Variants in SGCZ observed in about 807,000 individuals in gnomAD.
SGCZ encodes the protein sarcoglycan zeta.
SGCZ carries 40 observed loss-of-function variants against 41.3 expected under a neutral mutation model. The observed-to-expected ratio is 0.97, with a 90% CI of 0.75 to 1.26. The LOEUF (loss-of-function observed/expected upper bound fraction) is 1.26, where lower values mean the gene tolerates loss of function less well. Ranked by LOEUF, SGCZ falls within the 50% of genes most tolerant of loss-of-function variation. SGCZ has a pLI of 0.00. For synonymous variants in SGCZ, 206 were observed against 137.5 expected, an observed-to-expected ratio of 1.50 and a Z score of -3.49; for missense variants, 552 against 369.8, an observed-to-expected ratio of 1.49 and a Z score of -4.04.
chr8:14,405,234 T>C (rs550593451), intron 2 of SGCZ, among the ~76,000 whole-genome samples: 1 of 152,354 alleles, frequency 6.6e-6, no homozygotes, highest in Admixed American at 6.5e-5. Flanking sequence ...TAGATTCATT[T>C]TTATGACTGG....
intron 1 of SGCZ, among the ~76,000 whole-genome samples, chr8:14,610,448 C>T (rs1805891441): frequency 1.3e-5 from 2 of 152,252 alleles, no homozygotes; most frequent in South Asian, 4.1e-4. Flanking sequence ...TCAATTGCCT[C>T]CTTTAGTTTA....
chr8:14,302,620 C>T (rs944833663), intron 3 of SGCZ, among the ~76,000 whole-genome samples: 2 of 152,000 alleles, frequency 1.3e-5, no homozygotes, highest in African/African-American at 4.8e-5. Flanking sequence ...TTCATCTGCC[C>T]CTCTACCTTT....
Position 15,202,320 on chromosome 8 carries a change from T to C in SGCZ, c.39+35265A>G, listed in dbSNP as rs186957390. 2.2e-4 allele frequency among the ~76,000 whole-genome samples: 34 copies of C among 152,194 alleles called. No individual in the cohort carries two copies. The East Asian group carries it at 5.6e-3, about 25-fold the overall frequency. On this transcript the variant is annotated intron_variant, in intron 1 of 7. Transcript: ENST00000382080. ...AATGTGACAGAATACTAGTCAGCCG[T>C]AAGAAGGAACAAAATAATGGCATTT...
At chr8:15,139,770 T>C (rs1808253977) in intron 1 of SGCZ, among the ~76,000 whole-genome samples, 1 of 152,284 alleles carries the variant, frequency 6.6e-6, no homozygotes, top group South Asian at 2.1e-4. Context: ...CACCTCTCCA[T>C]TTCTCACTCT....
At chr8:14,245,504 C>G (rs1387170322) in intron 3 of SGCZ, among the ~76,000 whole-genome samples, 1 of 152,092 alleles carries the variant, frequency 6.6e-6, no homozygotes, top group African/African-American at 2.4e-5. Flanking sequence ...AGAAGAAAAC[C>G]TAGGCATTAC....
intron 2 of SGCZ, among the ~76,000 whole-genome samples, chr8:14,497,593 TGA>T (rs372870558): frequency 3.1e-4 from 46 of 150,148 alleles, no homozygotes; most frequent in African/African-American, 9.5e-4. Flanking sequence ...TGTGTGTGTG[TGA>T]GAGAGAGAGA....
chr8:14,503,729 C>T (rs1802223869), intron 2 of SGCZ, among the ~76,000 whole-genome samples: 1 of 152,122 alleles, frequency 6.6e-6, no homozygotes, highest in Non-Finnish European at 1.5e-5. Context: ...GATCACACCA[C>T]TGCACTCCAG....
chr8:14,671,597 A>G (rs1808104249), intron 1 of SGCZ, among the ~76,000 whole-genome samples: 1 of 152,154 alleles, frequency 6.6e-6, no homozygotes, highest in Non-Finnish European at 1.5e-5. Flanking sequence ...GAAAAGGGCA[A>G]GAATTAGAAA....
intron 1 of SGCZ, among the ~76,000 whole-genome samples, chr8:15,150,834 C>A (rs1799158326): frequency 6.6e-6 from 1 of 152,022 alleles, no homozygotes; most frequent in Non-Finnish European, 1.5e-5. Context: ...TTTCTGTTTT[C>A]TTTACTATTT....
At chr8:14,199,770 A>C (rs944417558) in intron 4 of SGCZ, among the ~76,000 whole-genome samples, 1 of 152,170 alleles carries the variant, frequency 6.6e-6, no homozygotes, top group African/African-American at 2.4e-5. Flanking sequence ...ATGTTAAGTG[A>C]ATGAAGAAAT....
intron 3 of SGCZ, among the ~76,000 whole-genome samples, chr8:14,301,067 A>ATC (rs1367450299): frequency 1.5e-5 from 2 of 136,568 alleles, no homozygotes; most frequent in Non-Finnish European, 1.6e-5. Flanking sequence ...GAAAATCATC[A>ATC]TCATCATCAT....
At chr8:15,233,228 C>G (rs1400800138) in intron 1 of SGCZ, among the ~76,000 whole-genome samples, 1 of 150,182 alleles carries the variant, frequency 6.7e-6, no homozygotes, top group Non-Finnish European at 1.5e-5. Context: ...TATAGAATGA[C>G]TAACATAACA....
At chr8:14,693,383 C>T (rs1355576409) in intron 1 of SGCZ, among the ~76,000 whole-genome samples, 2 of 151,428 alleles carry the variant, frequency 1.3e-5, no homozygotes. Context: ...CCTCTGTCTC[C>T]TAGGTTCAAG....
intron 1 of SGCZ, among the ~76,000 whole-genome samples, chr8:15,097,171 C>T (rs1806379373): frequency 6.6e-6 from 1 of 152,054 alleles, no homozygotes; most frequent in Non-Finnish European, 1.5e-5. Context: ...TTACGTAAAG[C>T]CCATAAGTCT....
intron 1 of SGCZ, among the ~76,000 whole-genome samples, chr8:14,659,258 G>A (rs1365264318): frequency 1.3e-5 from 2 of 152,092 alleles, no homozygotes; most frequent in African/African-American, 4.8e-5. Context: ...CACCGCCAGA[G>A]ATGATAAATG....
At chr8:14,150,233 G>A (rs1448718031) in intron 5 of SGCZ, among the ~76,000 whole-genome samples, 1 of 152,062 alleles carries the variant, frequency 6.6e-6, no homozygotes, top group African/African-American at 2.4e-5. Context: ...AGTCACCAAA[G>A]TGAAGAGAAA....
intron 1 of SGCZ, among the ~76,000 whole-genome samples, chr8:14,891,485 T>A (rs1206358118): frequency 6.6e-6 from 1 of 152,174 alleles, no homozygotes; most frequent in African/African-American, 2.4e-5. Context: ...AGTCTCAGGA[T>A]AAAACATTAG....
intron 1 of SGCZ, among the ~76,000 whole-genome samples, chr8:14,863,564 C>A (rs1031537345): frequency 6.6e-6 from 1 of 152,144 alleles, no homozygotes; most frequent in Admixed American, 6.6e-5. Context: ...AAAATGAACA[C>A]TGACAGTCCT....
rs578083236 is a variant in SGCZ at position 15,013,893 on chromosome 8, G to A, written c.39+223692C>T. 7.5e-4 allele frequency among the ~76,000 whole-genome samples: 114 copies of A among 152,192 alleles called. 1 individual carries two copies. Among genetic ancestry groups the A allele is most frequent in the African/African-American group, 2.6e-3 (106 of 41,526 alleles). Reference sequence around the variant, plus strand: ...AAAGCAGTTGGTTTCTACTGGGCTCGGGCAGCTAGATTCATGCTTTCTCAG... The same window carrying A: ...AAAGCAGTTGGTTTCTACTGGGCTCAGGCAGCTAGATTCATGCTTTCTCAG... On this transcript the variant is annotated intron_variant, in intron 1 of 7. Transcript: ENST00000382080.
Sources: gnomAD v4.1 joint callset for allele counts (sites outside exome capture counted in the v4.1 genomes callset) on GRCh38, gnomAD v4.1.1 for gene constraint, MANE v1.5 for transcripts, NCBI Gene and HGNC (gene_info 2026-07-23, HGNC 2026-07-21) for gene names.